NDUFA10: variants seen among roughly 807,000 people sequenced by gnomAD.
NDUFA10 encodes the protein NADH:ubiquinone oxidoreductase subunit A10.
NDUFA10 carries 40 observed loss-of-function variants against 47.8 expected under a neutral mutation model. The ratio of observed to expected loss-of-function variants is 0.84; its 90% CI spans 0.65 to 1.09. The LOEUF (loss-of-function observed/expected upper bound fraction) is 1.09, where lower values mean the gene tolerates loss of function less well. Ranked by LOEUF, NDUFA10 falls within the 50% of genes least tolerant of loss-of-function variation. The pLI, the probability that NDUFA10 is intolerant of heterozygous loss-of-function variation, is 0.00. For synonymous variants in NDUFA10, 183 were observed against 172.2 expected (o/e 1.06, Z -0.49); for missense variants, 413 against 451.1 (o/e 0.92, Z 0.76).
chr2:239,987,075 G>C lies in NDUFA10; in HGVS notation c.999+2999C>G, dbSNP rs975951486. ...TAGCAGAGGAAACAATTCAATGCAG[G>C]CCATCACCCTGGATTGGCTATTCTT... On this transcript the variant is annotated intron_variant, in intron 9 of 9. Transcript: ENST00000252711. The surrounding 1 kb of genome is among the most constrained non-coding windows in gnomAD (Gnocchi z 4.8). 1.3e-5 allele frequency among the ~76,000 whole-genome samples: 2 copies of C among 152,124 alleles called. No individual in the cohort carries two copies. Among genetic ancestry groups the C allele is most frequent in the Non-Finnish European group, 2.9e-5 (2 of 68,024 alleles).
intron 4 of NDUFA10, among the ~76,000 whole-genome samples, chr2:239,946,908 G>A (rs1694462800): frequency 6.6e-6 from 1 of 152,216 alleles, no homozygotes; most frequent in African/African-American, 2.4e-5. Flanking sequence ...ACCTCAGGCC[G>A]CCTTTGGTGA....
chr2:239,982,811 T>C (rs899456331), intron 9 of NDUFA10, among the ~76,000 whole-genome samples: 4 of 152,224 alleles, frequency 2.6e-5, no homozygotes, highest in African/African-American at 9.7e-5. Context: ...AAATGGGTTT[T>C]ATAGTTAGGG....
chr2:239,923,505 A>G (rs1694021643), intron 4 of NDUFA10, among the ~76,000 whole-genome samples: 1 of 152,252 alleles, frequency 6.6e-6, no homozygotes, highest in African/African-American at 2.4e-5. Context: ...TGAAAATTAA[A>G]CAACAGATTT....
In NDUFA10 at chr2:239,992,107, T is replaced by C. The variant is rs114850699; in HGVS notation, c.891-1925A>G. Among the ~76,000 whole-genome samples, 686 of 152,298 alleles carry C rather than the reference T, an allele frequency of 4.5e-3. 7 individuals are homozygous for C. Among genetic ancestry groups the C allele is most frequent in the African/African-American group, 0.016 (654 of 41,554 alleles). On this transcript the variant is annotated intron_variant, in intron 8 of 9. Coordinates refer to ENST00000252711, the MANE Select transcript of NDUFA10 (RefSeq NM_004544.4). ...CCATGGTATATCTCCAGTAAACTCC[T>C]AGATTTAAGTAAGAAATAAAGATAC...
chr2:240,022,161 T>G lies in NDUFA10; in HGVS notation c.244+11A>C. 1 of 1,603,386 alleles carries G rather than the reference T, an allele frequency of 6.2e-7. No homozygotes were observed. Among genetic ancestry groups the G allele is most frequent in the South Asian group, 1.1e-5 (1 of 90,872 alleles). On this transcript the variant is annotated intron_variant, in intron 2 of 9. Transcript: ENST00000252711. ...GAAAAAGGTATCATTCTGTGTAACA[T>G]AAAATCATACCTAGTTTCTCTGCTA...
chr2:239,902,891 A>C (rs923257990), intron 4 of NDUFA10, among the ~76,000 whole-genome samples: 23 of 152,164 alleles, frequency 1.5e-4, no homozygotes, highest in African/African-American at 5.5e-4. Flanking sequence ...TGCTCCCCCG[A>C]ATGCAGATTT....
At chr2:240,011,407 G>C (rs1173578113) in intron 6 of NDUFA10, among the ~76,000 whole-genome samples, 1 of 152,202 alleles carries the variant, frequency 6.6e-6, no homozygotes, top group Admixed American at 6.5e-5. Context: ...GTACTGACAA[G>C]ATAAGCAAAC....
At position 239,960,416 on chromosome 2, in the gene NDUFA10, AC is replaced by A; in HGVS notation, c.*701del. 1 of 986,620 alleles carries A rather than the reference AC, an allele frequency of 1.0e-6. No homozygotes were observed. The highest frequency in any genetic ancestry group is 1.1e-4 in the East Asian group (1 of 8,832). 61.1% of individuals were successfully genotyped at this position (986,620 alleles called of 1,614,324 possible). The stretch of plus-strand genomic sequence containing the variant: ...TTTGCTTTTGCATCTTATGTCATCA[AC>A]AGCCTAAGCTCAAATCTCCCTTCAA... On this transcript the variant is annotated 3_prime_UTR_variant, in exon 10 of 10. Transcript: ENST00000252711.
chr2:239,933,507 T>TTTG (rs1694212056), intron 4 of NDUFA10, among the ~76,000 whole-genome samples: 1 of 97,692 alleles, frequency 1.0e-5, no homozygotes, highest in African/African-American at 5.1e-5. Context: ...TCCATGGTTT[T>TTTG]TTTTTTGTTT....
At chr2:240,017,944 G>A (rs745444589) in intron 4 of NDUFA10, 1 of 1,513,484 alleles carries the variant, frequency 6.6e-7, no homozygotes, top group Non-Finnish European at 9.0e-7. Flanking sequence ...TGTCCACCAG[G>A]CCTATTCAAC....
chr2:239,933,435 C>T (rs1209630447), intron 4 of NDUFA10, among the ~76,000 whole-genome samples: 2 of 152,202 alleles, frequency 1.3e-5, no homozygotes, highest in African/African-American at 4.8e-5. Context: ...CGACCTGGAG[C>T]CAGCTGGTCC....
Position 240,011,641 on chromosome 2 carries a change from T to C in NDUFA10, c.725A>G (p.Lys242Arg). The C allele has an allele frequency of 6.2e-7, 1 of 1,613,428 alleles. No individual in the cohort carries two copies. Among genetic ancestry groups the C allele is most frequent in the Non-Finnish European group, 8.5e-7 (1 of 1,179,318 alleles). Residue 242 changes from lysine to arginine, a missense_variant, in exon 6 of 10, where the codon AAG (lysine) becomes AGG (arginine). Coordinates refer to ENST00000252711, the MANE Select transcript of NDUFA10 (RefSeq NM_004544.4). ...CCTCATCTCAGGGAGAAAGGTTTTC[T>C]TATAGGCATTCTCAATGTCCTGTAG... ...AYLQDIENAY[K>R]KTFLPEMSEK...
intron 4 of NDUFA10, among the ~76,000 whole-genome samples, chr2:239,909,953 A>G (rs2106470567): frequency 7.4e-6 from 1 of 135,792 alleles, no homozygotes; most frequent in South Asian, 2.2e-4. Context: ...CAAACATATG[A>G]AAAAAAAAAA....
intron 9 of NDUFA10, among the ~76,000 whole-genome samples, chr2:239,974,956 G>C (rs1160404328): frequency 9.4e-6 from 1 of 106,276 alleles, no homozygotes; most frequent in Non-Finnish European, 1.9e-5. Context: ...AAAAACATGT[G>C]ACACTCCTCC....
In NDUFA10 at chr2:240,016,226, T is replaced by A. The variant is rs574634372; in HGVS notation, c.548-1366A>T. On this transcript the variant is annotated intron_variant, in intron 4 of 9. Transcript: ENST00000252711. The surrounding 1 kb of genome is among the most constrained non-coding windows in gnomAD (Gnocchi z 4.4). ...CAAAGGACGGAGGCTGCCAGTGGAG[T>A]ACCGTTCACCTGAGCATACAAACAC... Among the ~76,000 whole-genome samples the A allele has an allele frequency of 1.3e-5, 2 of 152,042 alleles. No individual in the cohort carries two copies. Among genetic ancestry groups the A allele is most frequent in the East Asian group, 3.9e-4 (2 of 5,138 alleles).
In NDUFA10 at chr2:239,899,013, AGGG is replaced by A. The variant is rs1223424183; in HGVS notation, c.295-3702_295-3700del. On this transcript the variant is annotated intron_variant, in intron 4 of 5. Transcript: ENST00000419408. ...GAGGTGTGATGGAGAGGTGTGATGG[AGGG>A]GAGTCATGGAGGGGTGTAAAGGAGG... Among the ~76,000 whole-genome samples, 95 of 93,942 alleles carry A rather than the reference AGGG, an allele frequency of 1.0e-3. 6 individuals carry two copies. The highest frequency in any genetic ancestry group is 1.3e-3 in the South Asian group (3 of 2,240). 61.6% of individuals were successfully genotyped at this position (93,942 alleles called of 152,430 possible). A position where few individuals can be genotyped will look rare whatever the true frequency, so the allele number is the denominator to read the frequency against.
chr2:239,896,105 C>T (rs1693391390), intron 4 of NDUFA10, among the ~76,000 whole-genome samples: 1 of 152,238 alleles, frequency 6.6e-6, no homozygotes, highest in South Asian at 2.1e-4. Context: ...GGCAAACACA[C>T]ACAGTGACCT....
chr2:239,959,854 A>AG lies in NDUFA10; in HGVS notation c.*1263dup. 1.0e-6 allele frequency: 1 copy of AG among 971,784 alleles called. No homozygotes were observed. Among genetic ancestry groups the AG allele is most frequent in the Non-Finnish European group, 1.2e-6 (1 of 817,836 alleles). 60.2% of individuals were successfully genotyped at this position (971,784 alleles called of 1,614,324 possible). On this transcript the variant is annotated 3_prime_UTR_variant, in exon 10 of 10. Coordinates refer to ENST00000252711, the MANE Select transcript of NDUFA10 (RefSeq NM_004544.4). ...GAAAGAAGGAGGGAAGGAAGGGGAGAGGGAAAAAGGCAGGCGGACGCAAGG... is the reference window on the plus strand; with the variant it reads ...GAAAGAAGGAGGGAAGGAAGGGGAGAGGGGAAAAAGGCAGGCGGACGCAAGG...
intron 5 of NDUFA10, chr2:239,895,063 G>A (rs562972045): frequency 5.3e-5 from 12 of 224,468 alleles, no homozygotes; most frequent in East Asian, 4.4e-4. Context: ...TATCTTAGCC[G>A]GGCACTGGCT....
Sources: gnomAD v4.1 joint callset for allele counts (sites outside exome capture counted in the v4.1 genomes callset) on GRCh38, gnomAD v4.1.1 for gene constraint, Gnocchi (gnomAD v3.1) non-coding constraint, MANE v1.5 for transcripts, NCBI Gene and HGNC (gene_info 2026-07-23, HGNC 2026-07-21) for gene names.